The following MXI1 variants were observed in gnomAD, a reference collection of about 807,000 sequenced individuals.
MXI1 encodes max-interacting protein 1.
Under a neutral mutation model 36.9 loss-of-function variants are expected in MXI1, and 18 were observed. That is an observed-to-expected ratio of 0.49 (90% confidence interval 0.34 to 0.72). The LOEUF is 0.72. Ranked by LOEUF, MXI1 falls within the 30% of genes least tolerant of loss-of-function variation. The pLI is 0.01. For missense variants in MXI1, 304 were observed against 379.1 expected (o/e 0.80, Z 1.64); for synonymous variants, 160 against 146.7 (o/e 1.09, Z -0.65).
rs531057517 is a variant in MXI1, at chr10:110,240,668, C to T, written c.408-4160C>T. The stretch of plus-strand genomic sequence containing the variant: ...TTGGTATATCCTTGAAAGATACCTG[C>T]TCTACTATAGCTAAAATTTTCTGGT... On this transcript the variant is annotated intron_variant, in intron 2 of 5. Coordinates refer to ENST00000332674, the MANE Select transcript of MXI1 (RefSeq NM_130439.3). 3.9e-5 allele frequency among the ~76,000 whole-genome samples: 6 copies of T among 152,128 alleles called. No individual in the cohort carries two copies. The East Asian group carries it at 1.2e-3, about 29-fold the overall frequency.
chr10:110,242,625 A>G (rs1405899678), intron 2 of MXI1, among the ~76,000 whole-genome samples: 3 of 152,012 alleles, frequency 2.0e-5, no homozygotes, highest in African/African-American at 7.2e-5. Flanking sequence ...TTAAAAAAAG[A>G]TAATAAAGAA....
chr10:110,253,073 C>G (rs1418450108), intron 3 of MXI1, among the ~76,000 whole-genome samples: 8 of 151,954 alleles, frequency 5.3e-5, no homozygotes. Flanking sequence ...GAAGTTTATG[C>G]TATACTTGTG....
intron 1 of MXI1, among the ~76,000 whole-genome samples, chr10:110,211,184 G>T (rs1272690934): frequency 6.6e-6 from 1 of 151,074 alleles, no homozygotes; most frequent in African/African-American, 2.4e-5. Context: ...ACTTGATCTC[G>T]GTTTCTCCGC....
At chr10:110,229,852 A>G (rs1219276071) in intron 2 of MXI1, among the ~76,000 whole-genome samples, 1 of 151,244 alleles carries the variant, frequency 6.6e-6, no homozygotes, top group Non-Finnish European at 1.5e-5. Flanking sequence ...AGATTAAAAA[A>G]CTTTTTTTTT....
intron 2 of MXI1, among the ~76,000 whole-genome samples, chr10:110,232,879 A>G (rs1257981920): frequency 1.3e-5 from 2 of 152,240 alleles, no homozygotes. Flanking sequence ...AATTCTTTTA[A>G]ACAAGCAGGC....
chr10:110,228,608 A>T (rs1450719670), intron 2 of MXI1, among the ~76,000 whole-genome samples: 3 of 152,196 alleles, frequency 2.0e-5, no homozygotes, highest in Non-Finnish European at 4.4e-5. Flanking sequence ...CACCTGCTAA[A>T]AGTAATCGTG....
intron 3 of MXI1, among the ~76,000 whole-genome samples, chr10:110,259,217 C>T (rs1301338303): frequency 6.6e-6 from 1 of 151,958 alleles, no homozygotes; most frequent in Non-Finnish European, 1.5e-5. Context: ...AACAATTCTT[C>T]TCAAACTATG....
At chr10:110,227,590 A>C in intron 1 of MXI1, 11 of 787,740 alleles carry the variant, frequency 1.4e-5, no homozygotes, top group South Asian at 1.3e-4. Context: ...GGGGGGGGTC[A>C]GGGGAAGGGA....
At chr10:110,280,626 G>A (rs954135024) in intron 5 of MXI1, among the ~76,000 whole-genome samples, 1 of 151,070 alleles carries the variant, frequency 6.6e-6, no homozygotes, top group South Asian at 2.1e-4. Flanking sequence ...CTTGCAGTGA[G>A]CCGAGATCAT....
At chr10:110,270,805 G>T (rs1422905380) in intron 3 of MXI1, among the ~76,000 whole-genome samples, 1 of 151,982 alleles carries the variant, frequency 6.6e-6, no homozygotes, top group African/African-American at 2.4e-5. Flanking sequence ...TAAAAAAGGT[G>T]TTGGCCGGTT....
intron 5 of MXI1, among the ~76,000 whole-genome samples, chr10:110,283,375 T>G (rs1346190971): frequency 1.3e-5 from 2 of 152,072 alleles, no homozygotes; most frequent in East Asian, 3.9e-4. Context: ...GTGTTTCTGC[T>G]GCGTCAGCCT....
intron 1 of MXI1, chr10:110,227,281 A>T (rs1416088611): frequency 1.4e-6 from 1 of 710,412 alleles, no homozygotes; most frequent in South Asian, 6.9e-5. Context: ...CGCGTGTGGG[A>T]GGGGCGTGCG....
intron 1 of MXI1, chr10:110,208,549 A>G (rs1331220103): frequency 6.5e-6 from 1 of 153,410 alleles, no homozygotes; most frequent in African/African-American, 2.4e-5. Context: ...GAGGTTCCAG[A>G]AAGAAAACAC....
intron 3 of MXI1, among the ~76,000 whole-genome samples, chr10:110,256,796 G>A (rs1856317316): frequency 6.6e-6 from 1 of 152,026 alleles, no homozygotes; most frequent in Non-Finnish European, 1.5e-5. Context: ...TCAGAGAAAG[G>A]TCTTGAAAAG....
At chr10:110,246,958 T>C (rs1003110471) in intron 3 of MXI1, among the ~76,000 whole-genome samples, 20 of 152,192 alleles carry the variant, frequency 1.3e-4, no homozygotes, top group African/African-American at 4.6e-4. Flanking sequence ...AATTAGATCA[T>C]AGAGTATGTT....
intron 2 of MXI1, among the ~76,000 whole-genome samples, chr10:110,233,573 A>G (rs1040196430): frequency 1.3e-5 from 2 of 152,130 alleles, no homozygotes; most frequent in African/African-American, 2.4e-5. Flanking sequence ...TTTGTTCCGT[A>G]GAAAACTCCC....
At chr10:110,208,802 C>T (rs1854431135) in intron 1 of MXI1, among the ~76,000 whole-genome samples, 1 of 151,226 alleles carries the variant, frequency 6.6e-6, no homozygotes, top group African/African-American at 2.4e-5. Context: ...TCGCCCCGGA[C>T]ACGCCGTCCT....
At chr10:110,265,290 A>C (rs1052646287) in intron 3 of MXI1, among the ~76,000 whole-genome samples, 1 of 152,236 alleles carries the variant, frequency 6.6e-6, no homozygotes, top group Non-Finnish European at 1.5e-5. Context: ...TTTGCACTTT[A>C]GATGACATAA....
At chr10:110,240,098 AGTT>A (rs1331839255) in intron 2 of MXI1, among the ~76,000 whole-genome samples, 10 of 152,206 alleles carry the variant, frequency 6.6e-5, no homozygotes, top group African/African-American at 2.2e-4. Flanking sequence ...ATTGCACAAT[AGTT>A]GTAGTTAGTT....
Sources: allele counts gnomAD v4.1 joint callset (sites outside exome capture counted in the v4.1 genomes callset), GRCh38; gene constraint gnomAD v4.1.1; transcripts MANE v1.5; gene names NCBI Gene and HGNC (gene_info 2026-07-23, HGNC 2026-07-21).